The following TPCN1 variants were observed in gnomAD, a reference collection of about 807,000 sequenced individuals.
TPCN1 encodes the protein two pore segment channel 1, also known as two pore channel protein 1.
TPCN1 carries 52 observed loss-of-function variants against 108.8 expected under a neutral mutation model. The ratio of observed to expected loss-of-function variants is 0.48; its 90% confidence interval spans 0.38 to 0.60. The LOEUF is 0.60. Ranked by LOEUF, TPCN1 falls within the 20% of genes least tolerant of loss-of-function variation. TPCN1 has a pLI of 0.00. For missense variants in TPCN1, 806 were observed against 1,072.8 expected (o/e 0.75, Z 3.47); for synonymous variants, 446 against 433.7 (o/e 1.03, Z -0.35).
At chr12:113,277,722 C>T (rs916192740) in intron 12 of TPCN1, among the ~76,000 whole-genome samples, 3 of 152,068 alleles carry the variant, frequency 2.0e-5, no homozygotes, top group East Asian at 1.9e-4. Flanking sequence ...CTGGCTCGGC[C>T]GCAGAGAACT....
At chr12:113,252,101 T>TG (rs1954659629) in intron 2 of TPCN1, among the ~76,000 whole-genome samples, 1 of 152,114 alleles carries the variant, frequency 6.6e-6, no homozygotes, top group African/African-American at 2.4e-5. Flanking sequence ...TGGTCCTTCC[T>TG]GTCTCAGTGG....
Position 113,272,557 on chromosome 12 carries a change from C to G in TPCN1, c.749-101C>G. ...CAGCAGTCCCTGCTGCTCTTCCTGA[C>G]CTGCTGCGTTCATTTGCATGTATTT... On this transcript the variant is annotated intron_variant, in intron 7 of 27. Transcript: ENST00000335509. The surrounding 1 kb of genome is among the most constrained non-coding windows in gnomAD (Gnocchi z 4.1). 9.2e-7 allele frequency: 1 copy of G among 1,085,264 alleles called. No individual in the cohort carries two copies. The highest frequency in any genetic ancestry group is 1.4e-6 in the Non-Finnish European group (1 of 698,826). 67.2% of individuals were successfully genotyped at this position (1,085,264 alleles called of 1,614,324 possible). A position where few individuals can be genotyped will look rare whatever the true frequency, so the allele number is the denominator to read the frequency against.
intron 17 of TPCN1, 88 bp from the exon 18 acceptor site, chr12:113,285,801 T>C: frequency 8.6e-7 from 1 of 1,159,272 alleles, no homozygotes; most frequent in South Asian, 1.2e-5. Flanking sequence ...GCAGGGAGGC[T>C]GCAGACTGTG....
chr12:113,262,433 A>T (rs955223237), intron 3 of TPCN1, among the ~76,000 whole-genome samples: 1 of 151,872 alleles, frequency 6.6e-6, no homozygotes, highest in Non-Finnish European at 1.5e-5. Flanking sequence ...AAAAAGATTT[A>T]ATGAAATTTA....
At chr12:113,278,618 CACTG>C (rs1417107559) in intron 13 of TPCN1, among the ~76,000 whole-genome samples, 150 bp from the exon 14 acceptor site, 2 of 152,230 alleles carry the variant, frequency 1.3e-5, no homozygotes, top group Non-Finnish European at 2.9e-5. Context: ...GCTCGGTACA[CACTG>C]GCTGGCTGTG....
Position 113,288,159 on chromosome 12 carries a change from T to C in TPCN1, c.1635-4T>C. On this transcript the variant is annotated splice_polypyrimidine_tract_variant and splice_region_variant and intron_variant, in intron 19 of 27. Coordinates refer to ENST00000335509, the MANE Select transcript of TPCN1 (RefSeq NM_017901.6). The surrounding 1 kb of genome is among the most constrained non-coding windows in gnomAD (Gnocchi z 4.8). ...TGGAGGTGACGGGTGTCCTCCTCGC[T>C]CAGGTTGTTTAAGTTGAAGGAGCGC... The C allele has an allele frequency of 6.2e-7, 1 of 1,612,330 alleles. No individual in the cohort carries two copies. The highest frequency in any genetic ancestry group is 1.1e-5 in the South Asian group (1 of 90,896).
chr12:113,257,990 C>T (rs1052597175), intron 2 of TPCN1, among the ~76,000 whole-genome samples: 3 of 152,030 alleles, frequency 2.0e-5, no homozygotes, highest in Admixed American at 6.5e-5. Context: ...CTAATAGTAA[C>T]AGAATGCAGC....
chr12:113,273,924 C>A lies in TPCN1; in HGVS notation c.942+256C>A, dbSNP rs568320496. On this transcript the variant is annotated intron_variant, in intron 10 of 27. Transcript: ENST00000335509. This position sits in a 1 kb window ranked among gnomAD's most constrained non-coding sequence, Gnocchi z 4.0. ...ATGCTGGTAGTGCTGGATGTGAAAC[C>A]CAGGCAACCCTGGGACCTTTTCATT... is the stretch of plus-strand genomic sequence containing the variant. 6.6e-6 allele frequency among the ~76,000 whole-genome samples: 1 copy of A among 152,266 alleles called. No individual in the cohort carries two copies. The highest frequency in any genetic ancestry group is 2.1e-4 in the South Asian group (1 of 4,830).
rs67580212 is a variant in TPCN1, at chr12:113,241,761, C to CGTGTGTGTGTGT, written c.112+14819_112+14830dup. Among the ~76,000 whole-genome samples the CGTGTGTGTGTGT allele has an allele frequency of 3.8e-4, 55 of 144,476 alleles. 1 individual carries two copies. Among genetic ancestry groups the CGTGTGTGTGTGT allele is most frequent in the African/African-American group, 1.3e-3 (51 of 39,298 alleles). The allele number at this position is 144,476 out of a possible 152,430, so 94.8% of individuals were successfully genotyped here. ...AAACAGTGGCGTTTGCGTGCCTCTG[C>CGTGTGTGTGTGT]GTGTGTGTGTGTGTGTGTGTGTGTG... On this transcript the variant is annotated intron_variant, in intron 2 of 27. Transcript: ENST00000335509.
At chr12:113,282,779 T>A (rs1449707877) in intron 15 of TPCN1, among the ~76,000 whole-genome samples, 1 of 147,304 alleles carries the variant, frequency 6.8e-6, no homozygotes, top group Non-Finnish European at 1.5e-5. Context: ...AAACCCAAAT[T>A]TTGTTTCATA....
chr12:113,225,169 C>T (rs150842619), intron 1 of TPCN1: 114 of 435,198 alleles, frequency 2.6e-4, no homozygotes, highest in Middle Eastern at 2.2e-3. Flanking sequence ...TTTCCGTCAC[C>T]TCAGCCTCCC....
Position 113,269,462 on chromosome 12 carries a change from A to C in TPCN1, c.660-295A>C, listed in dbSNP as rs1955406525. 3.3e-5 allele frequency among the ~76,000 whole-genome samples: 5 copies of C among 152,084 alleles called. No homozygotes were observed. In the South Asian group the frequency reaches 1.0e-3, roughly 32 times the overall value. On this transcript the variant is annotated intron_variant, in intron 6 of 27. Coordinates refer to ENST00000335509, the MANE Select transcript of TPCN1 (RefSeq NM_017901.6). The surrounding 1 kb of genome is among the most constrained non-coding windows in gnomAD (Gnocchi z 5.0). ...CTCATGGAAACTGACCTTTGCACCC[A>C]AGGTCATGCCCTTGGCCTTCTGCTG...
chr12:113,252,952 A>G (rs1043601077), intron 2 of TPCN1, among the ~76,000 whole-genome samples: 2 of 152,038 alleles, frequency 1.3e-5, no homozygotes, highest in African/African-American at 2.4e-5. Context: ...CCTACTTGCA[A>G]CTCCACTGTA....
rs756668928 is a variant in TPCN1 at position 113,273,316 on chromosome 12, TG to T, written c.842+28del. The stretch of plus-strand genomic sequence containing the variant: ...GTAAGTGCAGGCTCTGCCTTGCCTT[TG>T]GTCCTCTGCTGCCGCCCTGGGGTCT... On this transcript the variant is annotated intron_variant, in intron 9 of 27. Coordinates refer to ENST00000335509, the MANE Select transcript of TPCN1 (RefSeq NM_017901.6). This position sits in a 1 kb window ranked among gnomAD's most constrained non-coding sequence, Gnocchi z 4.0. 1.9e-6 allele frequency: 3 copies of T among 1,612,834 alleles called. No individual in the cohort carries two copies. Among genetic ancestry groups the T allele is most frequent in the African/African-American group, 1.3e-5 (1 of 74,932 alleles).
chr12:113,243,781 AAAAT>A (rs1441106592), intron 2 of TPCN1, among the ~76,000 whole-genome samples: 7 of 134,866 alleles, frequency 5.2e-5, no homozygotes, highest in African/African-American at 1.8e-4. Context: ...AAATAAAAAT[AAAAT>A]AAAAAAAGTT....
At chr12:113,244,369 C>T (rs1185317144) in intron 2 of TPCN1, 1 of 985,330 alleles carries the variant, frequency 1.0e-6, no homozygotes, top group African/African-American at 1.7e-5. Flanking sequence ...AAGGTTGGTA[C>T]ATTTGCCCAG....
At chr12:113,226,635 C>T (rs887536804) in intron 1 of TPCN1, 93 bp from the exon 2 acceptor site, 6 of 1,059,054 alleles carry the variant, frequency 5.7e-6, no homozygotes, top group African/African-American at 4.8e-5. Flanking sequence ...CGAGGTTGTG[C>T]AACCATCACC....
chr12:113,288,624 A>G lies in TPCN1; in HGVS notation c.1707-134A>G. The G allele has an allele frequency of 6.5e-7, 1 of 1,527,802 alleles. No individual in the cohort carries two copies. Among genetic ancestry groups the G allele is most frequent in the Non-Finnish European group, 8.8e-7 (1 of 1,141,648 alleles). The allele number at this position is 1,527,802 out of a possible 1,614,324, so 94.6% of individuals were successfully genotyped here. ...CTGCCCCACGAGGCCCCTTCCCCGC[A>G]GGCACTTTCCAGTTGGTGAACCGAC... On this transcript the variant is annotated intron_variant, in intron 20 of 27. Transcript: ENST00000335509. This position sits in a 1 kb window ranked among gnomAD's most constrained non-coding sequence, Gnocchi z 4.8.
At chr12:113,227,729 A>C (rs963303806) in intron 2 of TPCN1, among the ~76,000 whole-genome samples, 1 of 152,106 alleles carries the variant, frequency 6.6e-6, no homozygotes, top group Non-Finnish European at 1.5e-5. Flanking sequence ...TGCTTAGCAA[A>C]TGGATGTTCC....
Sources: gnomAD v4.1 joint callset for allele counts (sites outside exome capture counted in the v4.1 genomes callset) on GRCh38, gnomAD v4.1.1 for gene constraint, Gnocchi (gnomAD v3.1) non-coding constraint, MANE v1.5 for transcripts, NCBI Gene and HGNC (gene_info 2026-07-23, HGNC 2026-07-21) for gene names.